ATP6V1A: variants seen among roughly 807,000 people sequenced by gnomAD.
ATP6V1A encodes the protein ATPase H+ transporting V1 subunit A, also known as V-type proton ATPase catalytic subunit A.
In ATP6V1A, 18 loss-of-function variants were observed where a neutral mutation model predicts 70.1. The observed-to-expected ratio is 0.26, with a 90% confidence interval of 0.18 to 0.38. The LOEUF (loss-of-function observed/expected upper bound fraction) is 0.38. Among genes scored for constraint, ATP6V1A ranks in the 10% least tolerant of loss-of-function variants. The probability of loss-of-function intolerance (pLI) is 1.00; values close to 1 mark genes in which losing one functional copy is unlikely to be tolerated. For synonymous variants in ATP6V1A, 232 were observed against 253.8 expected, an observed-to-expected ratio of 0.91 and a Z score of 0.82; for missense variants, 424 against 772.4, an observed-to-expected ratio of 0.55 and a Z score of 5.35.
At chr3:113,787,049 G>A (rs535193875) in intron 6 of ATP6V1A, among the ~76,000 whole-genome samples, 2 of 152,236 alleles carry the variant, frequency 1.3e-5, no homozygotes, top group African/African-American at 4.8e-5. Flanking sequence ...CAAAGTACTA[G>A]GATTACAGGC....
At chr3:113,761,409 G>A (rs1708703661) in intron 1 of ATP6V1A, among the ~76,000 whole-genome samples, 1 of 151,176 alleles carries the variant, frequency 6.6e-6, no homozygotes, top group South Asian at 2.1e-4. Flanking sequence ...AATTTGCTCA[G>A]TAACGAGAGT....
Position 113,805,649 on chromosome 3 carries a change from A to T in ATP6V1A, c.1761+124A>T, listed in dbSNP as rs1709268497. ...AGTGGCATGATCTTGTCTCACTGCA[A>T]CCTCTGCCTCCTGGGTTCAAACGAT... is the stretch of plus-strand genomic sequence containing the variant. On this transcript the variant is annotated intron_variant, in intron 14 of 14. Coordinates refer to ENST00000273398, the MANE Select transcript of ATP6V1A (RefSeq NM_001690.4). 1.2e-5 allele frequency: 11 copies of T among 938,588 alleles called. No homozygotes were observed. In the South Asian group the frequency reaches 1.6e-4, roughly 14 times the overall value. The allele number at this position is 938,588 out of a possible 1,614,324, so 58.1% of individuals were successfully genotyped here. A position where few individuals can be genotyped will look rare whatever the true frequency, so the allele number is the denominator to read the frequency against.
intron 1 of ATP6V1A, among the ~76,000 whole-genome samples, chr3:113,777,910 G>T (rs951288295): frequency 6.6e-6 from 1 of 152,226 alleles, no homozygotes; most frequent in Admixed American, 6.5e-5. Flanking sequence ...TTAAGTGAAA[G>T]AGTAGCTGGA....
At chr3:113,749,713 A>G (rs1708564179) in intron 1 of ATP6V1A, among the ~76,000 whole-genome samples, 2 of 152,202 alleles carry the variant, frequency 1.3e-5, no homozygotes, top group African/African-American at 4.8e-5. Context: ...CAGCACCAGA[A>G]TACTGAAGTA....
At chr3:113,752,408 T>C (rs187491066) in intron 1 of ATP6V1A, among the ~76,000 whole-genome samples, 1 of 151,970 alleles carries the variant, frequency 6.6e-6, no homozygotes, top group East Asian at 1.9e-4. Flanking sequence ...TCAAAATAAG[T>C]AATTATCTCT....
rs543133760 is a variant in ATP6V1A at position 113,756,656 on chromosome 3, G to A, written c.-14+9543G>A. On this transcript the variant is annotated intron_variant, in intron 1 of 14. Transcript: ENST00000273398. ...ACTTACTACTTTCAAATAACAGTAA[G>A]TATTTTAGATATAACTTGAAATACT... Among the ~76,000 whole-genome samples, 8 of 152,278 alleles carry A rather than the reference G, an allele frequency of 5.3e-5. No individual in the cohort carries two copies. The East Asian group carries it at 1.5e-3, about 29-fold the overall frequency.
At chr3:113,759,284 C>CA (rs1708675830) in intron 1 of ATP6V1A, among the ~76,000 whole-genome samples, 1 of 129,618 alleles carries the variant, frequency 7.7e-6, no homozygotes, top group African/African-American at 2.9e-5. Flanking sequence ...TATATAGTTA[C>CA]GGGTTTTTTT....
At chr3:113,808,558 C>T (rs1709305653) in intron 14 of ATP6V1A, among the ~76,000 whole-genome samples, 1 of 152,082 alleles carries the variant, frequency 6.6e-6, no homozygotes, top group African/African-American at 2.4e-5. Flanking sequence ...CCCCAAAGTG[C>T]TGGGATTACA....
chr3:113,805,292 T>C, intron 13 of ATP6V1A, 62 bp from the exon 14 acceptor site: 1 of 1,493,490 alleles, frequency 6.7e-7, no homozygotes, highest in Non-Finnish European at 9.2e-7. Flanking sequence ...TAGTTTTATA[T>C]AAAGTATGAA....
At chr3:113,789,600 A>G in intron 7 of ATP6V1A, 132 bp from the exon 8 acceptor site, 1 of 597,656 alleles carries the variant, frequency 1.7e-6, no homozygotes, top group South Asian at 2.1e-5. Context: ...GTGGTGGGGA[A>G]TATTACTTTA....
At chr3:113,761,108 T>G (rs538001480) in intron 1 of ATP6V1A, among the ~76,000 whole-genome samples, 1 of 151,668 alleles carries the variant, frequency 6.6e-6, no homozygotes, top group Non-Finnish European at 1.5e-5. Context: ...TTTTCTTTTT[T>G]TTTTTCTTTT....
At chr3:113,750,948 T>C (rs1708579253) in intron 1 of ATP6V1A, among the ~76,000 whole-genome samples, 1 of 152,208 alleles carries the variant, frequency 6.6e-6, no homozygotes, top group Non-Finnish European at 1.5e-5. Context: ...TTATTAATTT[T>C]ATCTGAAAAA....
intron 11 of ATP6V1A, among the ~76,000 whole-genome samples, chr3:113,797,490 A>G (rs1709165781): frequency 6.6e-6 from 1 of 151,716 alleles, no homozygotes; most frequent in Admixed American, 6.6e-5. Context: ...TCCTGACCTC[A>G]GGTGATCCAC....
intron 14 of ATP6V1A, among the ~76,000 whole-genome samples, chr3:113,807,184 C>CT (rs34303608): frequency 4.3e-4 from 57 of 131,776 alleles, no homozygotes; most frequent in South Asian, 4.3e-3. Context: ...CTTTTTTTTT[C>CT]TTTTTTTTTT....
rs1480551971 is a variant in ATP6V1A, at chr3:113,811,217, A to G, written c.*1790A>G. ...TAAAGTATTTATTTTATGCCTCAGT[A>G]TATTATTATTTAATTTTTTAGGTAA... On this transcript the variant is annotated 3_prime_UTR_variant, in exon 15 of 15. Coordinates refer to ENST00000273398, the MANE Select transcript of ATP6V1A (RefSeq NM_001690.4). 1 of 152,200 alleles carries G rather than the reference A, an allele frequency of 6.6e-6. No homozygotes were observed. Among genetic ancestry groups the G allele is most frequent in the African/African-American group, 2.4e-5 (1 of 41,472 alleles). 9.4% of individuals were successfully genotyped at this position (152,200 alleles called of 1,614,324 possible). A position where few individuals can be genotyped will look rare whatever the true frequency, so the allele number is the denominator to read the frequency against.
chr3:113,755,658 A>G (rs1346217242), intron 1 of ATP6V1A, among the ~76,000 whole-genome samples: 1 of 152,192 alleles, frequency 6.6e-6, no homozygotes, highest in Admixed American at 6.5e-5. Flanking sequence ...TAGGTGCAAT[A>G]TATAATAGTT....
At chr3:113,776,667 T>G (rs1165210971) in intron 1 of ATP6V1A, among the ~76,000 whole-genome samples, 2 of 152,194 alleles carry the variant, frequency 1.3e-5, no homozygotes, top group Non-Finnish European at 2.9e-5. Context: ...ACACCATTCT[T>G]CTCATAATAG....
intron 8 of ATP6V1A, among the ~76,000 whole-genome samples, chr3:113,790,840 A>G (rs975954337): frequency 1.3e-5 from 2 of 152,106 alleles, no homozygotes; most frequent in Admixed American, 1.3e-4. Flanking sequence ...TTAAACTTTA[A>G]TAGTAGTTTG....
At chr3:113,776,002 T>C (rs767378756) in intron 1 of ATP6V1A, among the ~76,000 whole-genome samples, 4 of 152,200 alleles carry the variant, frequency 2.6e-5, no homozygotes, top group African/African-American at 7.2e-5. Context: ...GATTCCAATG[T>C]TTTACAGTCC....
Sources: allele counts gnomAD v4.1 joint callset (sites outside exome capture counted in the v4.1 genomes callset), GRCh38; gene constraint gnomAD v4.1.1; transcripts MANE v1.5; gene names NCBI Gene and HGNC (gene_info 2026-07-23, HGNC 2026-07-21).